The following PAPSS2 variants were observed in gnomAD, a reference collection of about 807,000 sequenced individuals.
PAPSS2 encodes the protein bifunctional 3'-phosphoadenosine 5'-phosphosulfate synthase 2.
A neutral mutation model predicts 66.5 loss-of-function variants in PAPSS2; 61 were observed. The observed-to-expected ratio is 0.92, with a 90% CI of 0.75 to 1.14. PAPSS2 has a LOEUF of 1.14. PAPSS2 is among the 50% of genes most tolerant of loss of function. PAPSS2 has a pLI of 0.00. For synonymous variants in PAPSS2, 289 were observed against 287.5 expected (o/e 1.01, Z -0.05); for missense variants, 708 against 789.6 (o/e 0.90, Z 1.24).
At position 87,696,138 on chromosome 10, in the gene PAPSS2, A is replaced by G. The variant is rs74710179; in HGVS notation, c.28-13058A>G. Among the ~76,000 whole-genome samples the G allele has an allele frequency of 4.7e-3, 717 of 152,232 alleles. 5 individuals carry two copies. The highest frequency in any genetic ancestry group is 0.016 in the African/African-American group (680 of 41,534). ...CCCAACTTCAGCTATGAAATTCTCT[A>G]TCTTGGGTCCATTCGAGGGCAGGAT... On this transcript the variant is annotated intron_variant, in intron 1 of 12. Coordinates refer to ENST00000456849, the MANE Select transcript of PAPSS2 (RefSeq NM_001015880.2).
chr10:87,743,518 C>A lies in PAPSS2; in HGVS notation c.1368C>A (p.Asp456Glu). 1 of 1,614,100 alleles carries A rather than the reference C, an allele frequency of 6.2e-7. No individual in the cohort carries two copies. The highest frequency in any genetic ancestry group is 1.1e-5 in the South Asian group (1 of 91,072). The change falls in exon 11 of 13, where the codon GAC becomes GAA. Residue 456 changes from aspartate (D) to glutamate (E), a missense_variant. By Grantham distance (45) the Asp-to-Glu change is conservative (BLOSUM62 2). Coordinates refer to ENST00000456849, the MANE Select transcript of PAPSS2 (RefSeq NM_001015880.2). ...LHPLGGWTKD[D>E]DVPLDWRMKQ... ...CTCTGGGCGGCTGGACCAAGGATGA[C>A]GATGTGCCTCTAGACTGGCGGATGA...
intron 9 of PAPSS2, among the ~76,000 whole-genome samples, chr10:87,740,133 G>C (rs1853849007): frequency 6.6e-6 from 1 of 152,146 alleles, no homozygotes; most frequent in Non-Finnish European, 1.5e-5. Context: ...AAGGGAACCT[G>C]ATAATTCAAG....
At chr10:87,732,657 A>C (rs1255344735) in intron 9 of PAPSS2, among the ~76,000 whole-genome samples, 2 of 152,206 alleles carry the variant, frequency 1.3e-5, no homozygotes, top group African/African-American at 4.8e-5. Flanking sequence ...GACTCCGTTT[A>C]TTACAATATT....
chr10:87,670,671 G>A (rs999743415), intron 1 of PAPSS2, among the ~76,000 whole-genome samples: 1 of 152,066 alleles, frequency 6.6e-6, no homozygotes, highest in Non-Finnish European at 1.5e-5. Flanking sequence ...TACTGGAGAG[G>A]AGCTGCATTA....
At chr10:87,705,827 G>A (rs1263095461) in intron 1 of PAPSS2, among the ~76,000 whole-genome samples, 1 of 150,606 alleles carries the variant, frequency 6.6e-6, no homozygotes, top group South Asian at 2.1e-4. Flanking sequence ...TCCGCCTCCC[G>A]GGTTCAAGCG....
At chr10:87,696,126 A>G (rs1316432831) in intron 1 of PAPSS2, among the ~76,000 whole-genome samples, 1 of 152,204 alleles carries the variant, frequency 6.6e-6, no homozygotes, top group African/African-American at 2.4e-5. Context: ...AACTTCAGCT[A>G]TGAAATTCTC....
intron 1 of PAPSS2, among the ~76,000 whole-genome samples, chr10:87,699,726 T>G (rs1432513044): frequency 6.6e-6 from 1 of 151,106 alleles, no homozygotes; most frequent in African/African-American, 2.4e-5. Flanking sequence ...GGTGTGCGCC[T>G]GTAATCCCAG....
intron 9 of PAPSS2, among the ~76,000 whole-genome samples, chr10:87,729,981 C>T (rs576630014): frequency 2.6e-5 from 4 of 152,064 alleles, no homozygotes; most frequent in African/African-American, 7.2e-5. Flanking sequence ...GCAACAAGAG[C>T]GATACTCCGT....
At chr10:87,679,132 A>G (rs1212047833) in intron 1 of PAPSS2, among the ~76,000 whole-genome samples, 1 of 152,236 alleles carries the variant, frequency 6.6e-6, no homozygotes, top group Non-Finnish European at 1.5e-5. Context: ...TTGCAGCAAC[A>G]TGGATGCAAC....
chr10:87,715,207 C>T (rs1159292520), intron 6 of PAPSS2, 109 bp downstream of exon 6: 6 of 720,376 alleles, frequency 8.3e-6, no homozygotes, highest in Non-Finnish European at 1.0e-5. Context: ...CACATAATGT[C>T]CATAAATAAA....
At chr10:87,697,723 C>T (rs934831693) in intron 1 of PAPSS2, among the ~76,000 whole-genome samples, 1 of 152,218 alleles carries the variant, frequency 6.6e-6, no homozygotes, top group African/African-American at 2.4e-5. Context: ...GTGTCATAAA[C>T]CTGTTCCTTC....
intron 6 of PAPSS2, 133 bp from the exon 7 acceptor site, chr10:87,715,599 G>T (rs1447920841): frequency 1.4e-6 from 1 of 713,160 alleles, no homozygotes; most frequent in East Asian, 2.7e-5. Context: ...TAGCATAACA[G>T]GTGGGGACAC....
intron 7 of PAPSS2, among the ~76,000 whole-genome samples, chr10:87,717,375 G>A (rs1295497899): frequency 6.6e-6 from 1 of 152,130 alleles, no homozygotes; most frequent in East Asian, 1.9e-4. Context: ...AAATACTAGG[G>A]TGGTGGAAGT....
intron 10 of PAPSS2, 40 bp from the exon 11 acceptor site, chr10:87,743,333 G>A (rs1405074238): frequency 6.2e-7 from 1 of 1,604,036 alleles, no homozygotes. Context: ...ATGACACCAT[G>A]TGTTTCTGTG....
intron 1 of PAPSS2, among the ~76,000 whole-genome samples, chr10:87,704,825 A>G (rs534256187): frequency 1.3e-5 from 2 of 152,262 alleles, no homozygotes; most frequent in African/African-American, 4.8e-5. Context: ...TATTTTTAGT[A>G]GAGACAGGGT....
At position 87,673,689 on chromosome 10, in the gene PAPSS2, C is replaced by CTT. The variant is rs34935261; in HGVS notation, c.27+13705_27+13706dup. Among the ~76,000 whole-genome samples, 421 of 67,390 alleles carry CTT rather than the reference C, an allele frequency of 6.2e-3. 3 individuals are homozygous for CTT. Among genetic ancestry groups the CTT allele is most frequent in the African/African-American group, 0.014 (263 of 18,748 alleles). The allele number at this position is 67,390 out of a possible 152,430, so 44.2% of individuals were successfully genotyped here. On this transcript the variant is annotated intron_variant, in intron 1 of 12. Coordinates refer to ENST00000456849, the MANE Select transcript of PAPSS2 (RefSeq NM_001015880.2). ...AGCTCAGAAGTGAATTTTTGGCTTA[C>CTT]TTTTTTTTTTTTTTTTTTTTTTTTT...
At position 87,746,013 on chromosome 10, in the gene PAPSS2, C is replaced by T. The variant is rs376638711; in HGVS notation, c.*43C>T. On this transcript the variant is annotated 3_prime_UTR_variant, in exon 13 of 13. Coordinates refer to ENST00000456849, the MANE Select transcript of PAPSS2 (RefSeq NM_001015880.2). ...TTCTTTCTGAAGTGCTCTTTGATTA[C>T]CTTTTCTATTTTTATGATTAGATGC... 2 of 1,588,398 alleles carry T rather than the reference C, an allele frequency of 1.3e-6. No individual in the cohort carries two copies. The highest frequency in any genetic ancestry group is 1.3e-5 in the African/African-American group (1 of 74,248).
chr10:87,727,520 T>A, intron 9 of PAPSS2, 31 bp downstream of exon 9: 1 of 1,549,666 alleles, frequency 6.5e-7, no homozygotes, highest in South Asian at 1.1e-5. Flanking sequence ...AAGGACTTTC[T>A]TGAGCTATTT....
intron 1 of PAPSS2, among the ~76,000 whole-genome samples, chr10:87,674,640 A>G (rs771196759): frequency 1.3e-5 from 2 of 152,186 alleles, no homozygotes; most frequent in Non-Finnish European, 2.9e-5. Context: ...TGTGCTTTTT[A>G]TAACTAGAAA....
Sources: gnomAD v4.1 joint callset for allele counts (sites outside exome capture counted in the v4.1 genomes callset) on GRCh38, gnomAD v4.1.1 for gene constraint, MANE v1.5 for transcripts, NCBI Gene and HGNC (gene_info 2026-07-23, HGNC 2026-07-21) for gene names.